The following MEI1 variants were observed in gnomAD, a reference collection of about 807,000 sequenced individuals.
MEI1 encodes the protein meiosis inhibitor protein 1.
In MEI1, 103 loss-of-function variants were observed where a neutral mutation model predicts 146.2. The observed-to-expected ratio is 0.70, with a 90% CI of 0.60 to 0.83. The LOEUF (loss-of-function observed/expected upper bound fraction) is 0.83. MEI1 is among the 40% of genes least tolerant of loss of function. The probability of loss-of-function intolerance (pLI) is 0.00; values close to 1 mark genes in which losing one functional copy is unlikely to be tolerated. For missense variants in MEI1, 1,529 were observed against 1,533.0 expected (o/e 1.00, Z 0.04); for synonymous variants, 652 against 628.2 (o/e 1.04, Z -0.57).
chr22:41,740,209 G>A (rs1244122497), intron 11 of MEI1, among the ~76,000 whole-genome samples: 1 of 151,964 alleles, frequency 6.6e-6, no homozygotes, highest in Non-Finnish European at 1.5e-5. Context: ...TAGTAGAGAT[G>A]CGTTTTCACC....
In MEI1 at chr22:41,705,369, G is replaced by A. The variant is rs112451181; in HGVS notation, c.299-135G>A. ...GTGTTTTTAGTAGAGAGAGGGTTTC[G>A]CCATATTGGTCAGGCTTTTCTTGAA... On this transcript the variant is annotated intron_variant, in intron 2 of 30. Coordinates refer to ENST00000401548, the MANE Select transcript of MEI1 (RefSeq NM_152513.4). 4.4e-3 allele frequency: 3,273 copies of A among 742,600 alleles called. 62 individuals are homozygous for A. The African/African-American group carries it at 0.049, about 11-fold the overall frequency. The allele number at this position is 742,600 out of a possible 1,614,324, so 46.0% of individuals were successfully genotyped here.
At chr22:41,747,137 T>A (rs2073360156) in intron 14 of MEI1, among the ~76,000 whole-genome samples, 1 of 151,782 alleles carries the variant, frequency 6.6e-6, no homozygotes, top group Non-Finnish European at 1.5e-5. Context: ...AGGACCCAGC[T>A]GTTTACAGAA....
intron 23 of MEI1, 53 bp downstream of exon 23, chr22:41,781,447 C>T: frequency 7.0e-7 from 1 of 1,434,664 alleles, no homozygotes; most frequent in South Asian, 1.2e-5. Context: ...CTGTGGTCCT[C>T]TGTATCTCAA....
rs117839209 is a variant in MEI1, at chr22:41,709,976, C to A, written c.350-4026C>A. 7.9e-3 allele frequency among the ~76,000 whole-genome samples: 1,197 copies of A among 152,078 alleles called. 3 individuals are homozygous for A. Among genetic ancestry groups the A allele is most frequent in the Non-Finnish European group, 0.013 (868 of 67,988 alleles). ...GTGGGCTAAATTTATATGTACCCCC[C>A]ACCCCCGGCAAATTTATATGTGGAA... is the stretch of plus-strand genomic sequence containing the variant. On this transcript the variant is annotated intron_variant, in intron 3 of 30. Transcript: ENST00000401548.
Position 41,748,152 on chromosome 22 carries a change from C to G in MEI1, c.1726C>G (p.Leu576Val), listed in dbSNP as rs1338625095. The G allele has an allele frequency of 6.2e-7, 1 of 1,613,850 alleles. No individual in the cohort carries two copies. The highest frequency in any genetic ancestry group is 8.5e-7 in the Non-Finnish European group (1 of 1,179,886). Reference protein sequence around the residue: ...TTHPALMEVFLSILHNLFVIV... With the variant: ...TTHPALMEVFVSILHNLFVIV... ...CCACCCAGCTTTGATGGAAGTTTTC[C>G]TCTCAATTCTACATAACCTCTTTGT... The change falls in exon 15 of 31, where the codon CTC (leucine) becomes GTC (valine). Residue 576 changes from leucine (L) to valine (V), a missense_variant. Transcript: ENST00000401548.
chr22:41,729,574 G>T, intron 7 of MEI1, 91 bp from the exon 8 acceptor site: 2 of 756,880 alleles, frequency 2.6e-6, no homozygotes, highest in South Asian at 1.5e-5. Context: ...GATCGAAAAT[G>T]AATTAGGCTA....
rs2148047010 is a variant in MEI1 at position 41,770,784 on chromosome 22, T to C, written c.2367T>C (p.Tyr789=). ...TCCTGCTCAGGTTCTTTCTGTTGTATCCAGAGCTCATGAGTAGGTATGGGC... is the reference window on the plus strand; with the variant it reads ...TCCTGCTCAGGTTCTTTCTGTTGTACCCAGAGCTCATGAGTAGGTATGGGC... ...HPLLLRFFLL[Y]PELMSRYGHR... Residue 789 remains tyrosine (Y), a synonymous_variant, in exon 20 of 31, where the codon TAT becomes TAC. Coordinates refer to ENST00000401548, the MANE Select transcript of MEI1 (RefSeq NM_152513.4). 1 of 1,613,992 alleles carries C rather than the reference T, an allele frequency of 6.2e-7. No individual in the cohort carries two copies. The highest frequency in any genetic ancestry group is 2.2e-5 in the East Asian group (1 of 44,888).
At chr22:41,717,938 A>G in intron 5 of MEI1, 133 bp from the exon 6 acceptor site, 2 of 742,868 alleles carry the variant, frequency 2.7e-6, no homozygotes, top group East Asian at 2.7e-5. Flanking sequence ...TAGATTAAGC[A>G]TGCAGAAAGC....
chr22:41,735,977 G>T (rs73161382), intron 11 of MEI1, among the ~76,000 whole-genome samples: 3 of 152,108 alleles, frequency 2.0e-5, no homozygotes, highest in Non-Finnish European at 2.9e-5. Context: ...AAAACAACAG[G>T]TATTTACCTT....
chr22:41,783,257 C>T (rs1448834095), intron 24 of MEI1, among the ~76,000 whole-genome samples: 1 of 146,552 alleles, frequency 6.8e-6, no homozygotes, highest in African/African-American at 2.4e-5. Context: ...CCATATAACA[C>T]CCCCCCTCAC....
At chr22:41,796,618 T>TG (rs1244296345) in intron 30 of MEI1, among the ~76,000 whole-genome samples, 1 of 152,202 alleles carries the variant, frequency 6.6e-6, no homozygotes, top group African/African-American at 2.4e-5. Context: ...TTTTGAGTGC[T>TG]GATGTGATGC....
chr22:41,736,282 C>A (rs1168956418), intron 11 of MEI1, among the ~76,000 whole-genome samples: 2 of 136,610 alleles, frequency 1.5e-5, no homozygotes, highest in African/African-American at 5.7e-5. Flanking sequence ...CGGAGTCTTG[C>A]TTTGTCTCCC....
At chr22:41,741,091 A>C (rs1200966483) in intron 11 of MEI1, among the ~76,000 whole-genome samples, 1 of 152,176 alleles carries the variant, frequency 6.6e-6, no homozygotes, top group Non-Finnish European at 1.5e-5. Flanking sequence ...TTGTATTTTT[A>C]GTAGAGACAG....
At chr22:41,777,989 TC>T (rs1054331194) in intron 21 of MEI1, among the ~76,000 whole-genome samples, 1 of 147,698 alleles carries the variant, frequency 6.8e-6, no homozygotes, top group African/African-American at 2.5e-5. Context: ...CCTTCTCCCC[TC>T]CCTCCTCCTC....
intron 1 of MEI1, among the ~76,000 whole-genome samples, chr22:41,702,908 T>G (rs1260705931): frequency 6.6e-6 from 1 of 151,790 alleles, no homozygotes; most frequent in Non-Finnish European, 1.5e-5. Context: ...TTAGTTGAGA[T>G]AGAGTTGCAC....
chr22:41,715,759 C>T lies in MEI1; in HGVS notation c.424-282C>T, dbSNP rs368481954. 2.6e-5 allele frequency among the ~76,000 whole-genome samples: 4 copies of T among 152,074 alleles called. No individual in the cohort carries two copies. The East Asian group carries it at 7.7e-4, about 29-fold the overall frequency. On this transcript the variant is annotated intron_variant, in intron 4 of 30. Coordinates refer to ENST00000401548, the MANE Select transcript of MEI1 (RefSeq NM_152513.4). ...CTTTATGACATTTCAAACTTTTGTCCCCCAACTTCTGGTTCTATGGAGGCA... is the reference window on the plus strand; with the variant it reads ...CTTTATGACATTTCAAACTTTTGTCTCCCAACTTCTGGTTCTATGGAGGCA...
chr22:41,722,272 C>G (rs1248717757), intron 6 of MEI1: 1 of 151,640 alleles, frequency 6.6e-6, no homozygotes, highest in African/African-American at 2.4e-5. Flanking sequence ...CTTTACAACC[C>G]AAGATCCTCA....
chr22:41,772,763 G>A (rs5996063), intron 20 of MEI1, among the ~76,000 whole-genome samples: 126,908 of 152,170 alleles, frequency 0.83, 53,876 homozygotes, highest in African/African-American at 0.95. Flanking sequence ...TACTCAGTCT[G>A]TTTATTCTTC....
Position 41,799,236 on chromosome 22 carries a change from C to G in MEI1, c.3780-18C>G, listed in dbSNP as rs750037014. 4 of 1,612,922 alleles carry G rather than the reference C, an allele frequency of 2.5e-6. No homozygotes were observed. The South Asian group carries it at 3.3e-5, about 13-fold the overall frequency. On this transcript the variant is annotated intron_variant, in intron 30 of 30. Coordinates refer to ENST00000401548, the MANE Select transcript of MEI1 (RefSeq NM_152513.4). ...GGCCCCACTTCTCTGCTGTTTTCCT[C>G]TCATGTTTTGCTGCCAGCTGCCTGG...
Sources: allele counts gnomAD v4.1 joint callset (sites outside exome capture counted in the v4.1 genomes callset), GRCh38; gene constraint gnomAD v4.1.1; transcripts MANE v1.5; gene names NCBI Gene and HGNC (gene_info 2026-07-23, HGNC 2026-07-21).